The following MARF1 variants were observed in gnomAD, a reference collection of about 807,000 sequenced individuals.
MARF1 encodes the protein meiosis regulator and mRNA stability factor 1.
A neutral mutation model predicts 168.2 loss-of-function variants in MARF1; 24 were observed. The ratio of observed to expected loss-of-function variants is 0.14; its 90% CI spans 0.10 to 0.20. The LOEUF (loss-of-function observed/expected upper bound fraction) is 0.20, where lower values mean the gene tolerates loss of function less well. MARF1 is among the 10% of genes least tolerant of loss of function. The pLI is 1.00. For synonymous variants in MARF1, 868 were observed against 822.4 expected, an observed-to-expected ratio of 1.06 and a Z score of -0.95; for missense variants, 1,744 against 2,143.6, an observed-to-expected ratio of 0.81 and a Z score of 3.68.
intron 7 of MARF1, among the ~76,000 whole-genome samples, chr16:15,629,097 C>T (rs1196461645): frequency 1.3e-5 from 2 of 149,980 alleles, no homozygotes; most frequent in East Asian, 2.0e-4. Flanking sequence ...TGCAGTGGCG[C>T]GATCTCAGCT....
Position 15,616,016 on chromosome 16 carries a change from A to C in MARF1, c.3078-11T>G, listed in dbSNP as rs2034016015. 6.8e-7 allele frequency: 1 copy of C among 1,469,204 alleles called. No homozygotes were observed. The highest frequency in any genetic ancestry group is 1.4e-5 in the South Asian group (1 of 70,898). The allele number at this position is 1,469,204 out of a possible 1,614,324, so 91.0% of individuals were successfully genotyped here. A position where few individuals can be genotyped will look rare whatever the true frequency, so the allele number is the denominator to read the frequency against. ...TAACAATCTGGAAAGCTGAAATAGG[A>C]AAAAACAACAAAAAAAGGAAAGGTT... On this transcript the variant is annotated splice_polypyrimidine_tract_variant and intron_variant, in intron 15 of 26. Coordinates refer to ENST00000396368, the MANE Select transcript of MARF1 (RefSeq NM_014647.4).
chr16:15,633,175 CCA>C (rs140240605), intron 5 of MARF1, among the ~76,000 whole-genome samples: 7,076 of 136,782 alleles, frequency 0.052, 193 homozygotes, highest in East Asian at 0.11. Flanking sequence ...AAAAAAAACA[CCA>C]CACACACACA....
At chr16:15,635,293 A>G (rs1452595547) in intron 3 of MARF1, 3 of 388,866 alleles carry the variant, frequency 7.7e-6, no homozygotes, top group African/African-American at 4.1e-5. Flanking sequence ...TTGCAAAAAG[A>G]CAACATGCAG....
In MARF1 at chr16:15,614,278, C is replaced by A. The variant is rs1339122500; in HGVS notation, c.3254-1501G>T. ...CGGGCGGATCACGAGGTCAGGAGAT[C>A]GAGACCATCCTTGCTAACACGGTGA... On this transcript the variant is annotated intron_variant, in intron 16 of 26. Coordinates refer to ENST00000396368, the MANE Select transcript of MARF1 (RefSeq NM_014647.4). 4.7e-5 allele frequency among the ~76,000 whole-genome samples: 7 copies of A among 150,418 alleles called. No homozygotes were observed. In the South Asian group the frequency reaches 1.5e-3, roughly 32 times the overall value.
chr16:15,629,404 A>G (rs1257202318), intron 7 of MARF1, among the ~76,000 whole-genome samples: 1 of 152,156 alleles, frequency 6.6e-6, no homozygotes, highest in Non-Finnish European at 1.5e-5. Flanking sequence ...ACAGGTGACT[A>G]GCAGGCAAGT....
At position 15,625,191 on chromosome 16, in the gene MARF1, C is replaced by G; in HGVS notation, c.1954-18G>C. On this transcript the variant is annotated intron_variant, in intron 8 of 26. Transcript: ENST00000396368. ...CACAGCTCCTTCAAAGACACAAGCA[C>G]AGTGGGGTTTAAATTTTAAGTACCC... The G allele has an allele frequency of 6.2e-7, 1 of 1,609,096 alleles. No individual in the cohort carries two copies. Among genetic ancestry groups the G allele is most frequent in the Non-Finnish European group, 8.5e-7 (1 of 1,176,846 alleles).
intron 2 of MARF1, 34 bp from the exon 3 acceptor site, chr16:15,636,376 T>C (rs1213196234): frequency 1.3e-6 from 2 of 1,499,860 alleles, no homozygotes; most frequent in Non-Finnish European, 8.9e-7. Context: ...AAATTAATTT[T>C]ATGAGGTCCG....
intron 10 of MARF1, among the ~76,000 whole-genome samples, chr16:15,623,349 G>A (rs921118110): frequency 5.4e-5 from 7 of 128,484 alleles, no homozygotes; most frequent in Non-Finnish European, 9.2e-5. Context: ...GCACGATCTC[G>A]GCTTACTGCA....
At chr16:15,634,202 C>G (rs1402560949) in intron 4 of MARF1, among the ~76,000 whole-genome samples, 1 of 152,224 alleles carries the variant, frequency 6.6e-6, no homozygotes, top group African/African-American at 2.4e-5. Flanking sequence ...GACTTTCAAG[C>G]TTAGCCCACA....
At chr16:15,626,937 C>T (rs1288263598) in intron 7 of MARF1, among the ~76,000 whole-genome samples, 1 of 135,284 alleles carries the variant, frequency 7.4e-6, no homozygotes, top group Non-Finnish European at 1.5e-5. Context: ...GTACTCCAGC[C>T]TGGGCGACAG....
intron 7 of MARF1, among the ~76,000 whole-genome samples, chr16:15,629,142 T>C (rs1379547498): frequency 6.6e-6 from 1 of 151,848 alleles, no homozygotes; most frequent in Non-Finnish European, 1.5e-5. Context: ...AAAAACACCG[T>C]ATTTACATAA....
chr16:15,628,609 A>G lies in MARF1; in HGVS notation c.1524+1723T>C, dbSNP rs1192610808. On this transcript the variant is annotated intron_variant, in intron 7 of 26. Transcript: ENST00000396368. The stretch of plus-strand genomic sequence containing the variant: ...TTTTTAGTAGAGATGGGGTTTCGCC[A>G]CATCGGCCAGGCTGGTCTCGAACTC... Among the ~76,000 whole-genome samples, 4 of 152,090 alleles carry G rather than the reference A, an allele frequency of 2.6e-5. 1 individual carries two copies. The highest frequency in any genetic ancestry group is 1.3e-4 in the Admixed American group (2 of 15,264).
At chr16:15,639,318 G>C in intron 1 of MARF1, 27 bp from the exon 2 acceptor site, 2 of 1,457,672 alleles carry the variant, frequency 1.4e-6, no homozygotes, top group East Asian at 4.6e-5. Context: ...AGATTTCAGT[G>C]TTATTTCCTT....
At chr16:15,637,079 A>T (rs1360811088) in intron 2 of MARF1, among the ~76,000 whole-genome samples, 3 of 152,204 alleles carry the variant, frequency 2.0e-5, no homozygotes, top group Non-Finnish European at 4.4e-5. Flanking sequence ...AGTGGCAGAG[A>T]CCTGGGTTAG....
chr16:15,635,054 A>G, intron 3 of MARF1, 123 bp from the exon 4 acceptor site: 1 of 733,848 alleles, frequency 1.4e-6, no homozygotes. Flanking sequence ...AGCCTCTAAT[A>G]AAAAGGACTT....
At chr16:15,623,363 T>C (rs2034606570) in intron 10 of MARF1, among the ~76,000 whole-genome samples, 1 of 126,532 alleles carries the variant, frequency 7.9e-6, no homozygotes, top group Non-Finnish European at 1.6e-5. Flanking sequence ...TACTGCAACC[T>C]CCACCTCCTG....
Position 15,608,260 on chromosome 16 carries a change from GAAAAAAAAAAA to G in MARF1, c.4182+20_4182+30del, listed in dbSNP as rs748965777. 15 of 832,272 alleles carry G rather than the reference GAAAAAAAAAAA, an allele frequency of 1.8e-5. No individual in the cohort carries two copies. The highest frequency in any genetic ancestry group is 1.1e-4 in the East Asian group (4 of 35,536). 51.6% of individuals were successfully genotyped at this position (832,272 alleles called of 1,614,324 possible). On this transcript the variant is annotated intron_variant, in intron 21 of 26. Coordinates refer to ENST00000396368, the MANE Select transcript of MARF1 (RefSeq NM_014647.4). ...TCACTGTGAGTTTTATCCCATGAGGGAAAAAAAAAAAAAAAAAAAAAAACATTTACCTTCAC... is the reference window on the plus strand; with the variant it reads ...TCACTGTGAGTTTTATCCCATGAGGGAAAAAAAAAAAACATTTACCTTCAC...
intron 15 of MARF1, chr16:15,616,783 T>G (rs550555497): frequency 2.0e-4 from 80 of 406,236 alleles, no homozygotes; most frequent in Non-Finnish European, 3.0e-4. Flanking sequence ...TGAGCAACTA[T>G]AACACAATGG....
intron 15 of MARF1, among the ~76,000 whole-genome samples, chr16:15,616,208 T>C (rs546203191): frequency 1.3e-5 from 2 of 152,188 alleles, no homozygotes; most frequent in East Asian, 3.9e-4. Flanking sequence ...CTGATGGCAT[T>C]TTCTGGGTAG....
Sources: allele counts gnomAD v4.1 joint callset (sites outside exome capture counted in the v4.1 genomes callset), GRCh38; gene constraint gnomAD v4.1.1; transcripts MANE v1.5; gene names NCBI Gene and HGNC (gene_info 2026-07-23, HGNC 2026-07-21).